The following UGT2A2 variants were observed in gnomAD, a reference collection of about 807,000 sequenced individuals.
UGT2A2 encodes UDP glucuronosyltransferase family 2 member A2, also known as UDP-glucuronosyltransferase 2A2.
A neutral mutation model predicts 50.7 loss-of-function variants in UGT2A2; 60 were observed. The ratio of observed to expected loss-of-function variants is 1.18; its 90% CI spans 0.96 to 1.47. The LOEUF (loss-of-function observed/expected upper bound fraction) is 1.47, where lower values mean the gene tolerates loss of function less well. UGT2A2 is among the 40% of genes most tolerant of loss of function. The pLI is 0.00. For missense variants in UGT2A2, 762 were observed against 634.0 expected (o/e 1.20, Z -2.17); for synonymous variants, 242 against 214.6 (o/e 1.13, Z -1.11).
chr4:69,606,869 C>A lies in UGT2A2; in HGVS notation c.743-7475G>T, dbSNP rs552919503. On this transcript the variant is annotated intron_variant, in intron 1 of 5. Coordinates refer to ENST00000604629, the MANE Select transcript of UGT2A2 (RefSeq NM_001105677.2). ...ACCTAGGAATCCAACTTACAAGGGA[C>A]GTAAGGACCTCTTCAAGAACTACAA... Among the ~76,000 whole-genome samples, 2 of 135,532 alleles carry A rather than the reference C, an allele frequency of 1.5e-5. 1 individual carries two copies. Among genetic ancestry groups the A allele is most frequent in the South Asian group, 4.9e-4 (2 of 4,086 alleles). The allele number at this position is 135,532 out of a possible 152,430, so 88.9% of individuals were successfully genotyped here. A position where few individuals can be genotyped will look rare whatever the true frequency, so the allele number is the denominator to read the frequency against.
At chr4:69,608,448 G>A (rs577282509) in intron 1 of UGT2A2, among the ~76,000 whole-genome samples, 94 of 151,296 alleles carry the variant, frequency 6.2e-4, no homozygotes, top group Non-Finnish European at 1.1e-3. Context: ...GAAGGATAGC[G>A]TTGGGAAATA....
intron 1 of UGT2A2, among the ~76,000 whole-genome samples, chr4:69,631,977 CCA>C (rs1185892854): frequency 6.6e-6 from 1 of 152,068 alleles, no homozygotes; most frequent in Non-Finnish European, 1.5e-5. Flanking sequence ...AATATAAGCA[CCA>C]CAGTTTGTAT....
chr4:69,590,541 G>A (rs1182288805), intron 5 of UGT2A2, among the ~76,000 whole-genome samples: 2 of 152,066 alleles, frequency 1.3e-5, no homozygotes, highest in Non-Finnish European at 2.9e-5. Context: ...GGTGTTGGCA[G>A]GACATTGTTA....
At chr4:69,623,408 T>C (rs1720866390) in intron 1 of UGT2A2, among the ~76,000 whole-genome samples, 1 of 151,598 alleles carries the variant, frequency 6.6e-6, no homozygotes, top group Non-Finnish European at 1.5e-5. Context: ...ACAAAGGCAG[T>C]GGATAAAATG....
At chr4:69,626,510 CTT>C (rs1168461277) in intron 1 of UGT2A2, among the ~76,000 whole-genome samples, 2 of 151,466 alleles carry the variant, frequency 1.3e-5, no homozygotes, top group African/African-American at 4.8e-5. Flanking sequence ...ACAAAACAGA[CTT>C]GAGGATATTT....
intron 5 of UGT2A2, among the ~76,000 whole-genome samples, chr4:69,591,214 C>T (rs1260448061): frequency 6.6e-6 from 1 of 152,102 alleles, no homozygotes; most frequent in African/African-American, 2.4e-5. Flanking sequence ...TGATAAAGCC[C>T]TCAGGAAGTC....
intron 1 of UGT2A2, among the ~76,000 whole-genome samples, chr4:69,615,858 C>CA (rs34028035): frequency 0.14 from 21,784 of 151,748 alleles, 1,830 homozygotes; most frequent in Admixed American, 0.26. Flanking sequence ...GGATATTTCT[C>CA]AAAAAACTAA....
intron 1 of UGT2A2, chr4:69,635,849 A>AAAAAAAAGAG (rs772370302): frequency 3.4e-5 from 4 of 118,512 alleles, no homozygotes; most frequent in East Asian, 4.7e-4. Flanking sequence ...AAAAAAAAAA[A>AAAAAAAAGAG]AGAGAGAGAG....
At chr4:69,617,902 C>T (rs1720496358) in intron 1 of UGT2A2, among the ~76,000 whole-genome samples, 1 of 151,732 alleles carries the variant, frequency 6.6e-6, no homozygotes, top group African/African-American at 2.4e-5. Flanking sequence ...ACAAAACCGA[C>T]ACAGTAACAG....
At chr4:69,598,864 T>C (rs1487440775) in intron 2 of UGT2A2, among the ~76,000 whole-genome samples, 1 of 152,154 alleles carries the variant, frequency 6.6e-6, no homozygotes, top group African/African-American at 2.4e-5. Context: ...CCAACAGTTT[T>C]CATGAAGACA....
At chr4:69,607,242 C>T (rs1342974409) in intron 1 of UGT2A2, among the ~76,000 whole-genome samples, 15 of 149,282 alleles carry the variant, frequency 1.0e-4, no homozygotes, top group Admixed American at 6.7e-4. Context: ...TGGAACAGAA[C>T]AGAGCCCTCA....
chr4:69,623,515 A>G (rs182053879), intron 1 of UGT2A2, among the ~76,000 whole-genome samples: 3 of 151,778 alleles, frequency 2.0e-5, no homozygotes, highest in African/African-American at 7.2e-5. Flanking sequence ...CATAATATTT[A>G]ACAGAATAGT....
chr4:69,599,148 T>A, intron 2 of UGT2A2, 98 bp downstream of exon 2: 2 of 1,441,778 alleles, frequency 1.4e-6, no homozygotes, highest in Non-Finnish European at 1.8e-6. Flanking sequence ...AACTGAAATG[T>A]CCAGCAGCAT....
rs1431713973 is a variant in UGT2A2 at position 69,638,180 on chromosome 4, T to C, written c.742+719A>G. On this transcript the variant is annotated intron_variant, in intron 1 of 5. Coordinates refer to ENST00000604629, the MANE Select transcript of UGT2A2 (RefSeq NM_001105677.2). ...TGTTAATTCCTGCTATTGATTAGTG[T>C]CCCGAGTACTAAGAGATCTGGAGGC... Among the ~76,000 whole-genome samples, 3 of 152,022 alleles carry C rather than the reference T, an allele frequency of 2.0e-5. No homozygotes were observed. In the East Asian group the frequency reaches 5.8e-4, roughly 29 times the overall value.
chr4:69,615,228 A>T (rs1720307021), intron 1 of UGT2A2, among the ~76,000 whole-genome samples: 1 of 152,082 alleles, frequency 6.6e-6, no homozygotes, highest in Admixed American at 6.6e-5. Context: ...TCTAATTTAA[A>T]TCTAATCTTT....
rs781753112 is a variant in UGT2A2, at chr4:69,639,388, C to A, written c.253G>T (p.Val85Phe). ...DSPVNFEVIPVSYKKSNIDSL... is the reference protein window; with the variant it reads ...DSPVNFEVIPFSYKKSNIDSL... ...TCTATATTGCTCTTCTTGTAGGAAACAGGTATCACTTCAAAATTCACAGGA... is the reference window on the plus strand; with the variant it reads ...TCTATATTGCTCTTCTTGTAGGAAAAAGGTATCACTTCAAAATTCACAGGA... Residue 85 changes from valine to phenylalanine, a missense_variant, in exon 1 of 6, where the codon GTT becomes TTT. Val to Phe is a conservative substitution (Grantham distance 50). Coordinates refer to ENST00000604629, the MANE Select transcript of UGT2A2 (RefSeq NM_001105677.2). The A allele has an allele frequency of 2.7e-5, 43 of 1,613,414 alleles. No individual in the cohort carries two copies. The highest frequency in any genetic ancestry group is 1.6e-4 in the Middle Eastern group (1 of 6,082).
chr4:69,612,673 C>G (rs189018160), intron 1 of UGT2A2, among the ~76,000 whole-genome samples: 1 of 151,874 alleles, frequency 6.6e-6, no homozygotes, highest in Non-Finnish European at 1.5e-5. Context: ...ACTGGCTAGC[C>G]ATATGCAGAA....
intron 1 of UGT2A2, among the ~76,000 whole-genome samples, chr4:69,607,554 C>T (rs956180608): frequency 9.9e-5 from 15 of 151,770 alleles, no homozygotes; most frequent in African/African-American, 3.6e-4. Context: ...GCAACAAAAG[C>T]CAAAATTGAC....
At chr4:69,635,674 A>G in intron 1 of UGT2A2, 1 of 265,384 alleles carries the variant, frequency 3.8e-6, no homozygotes, top group Non-Finnish European at 7.6e-6. Context: ...TATTAAAAAT[A>G]CAAAAATTAG....
Sources: gnomAD v4.1 joint callset for allele counts (sites outside exome capture counted in the v4.1 genomes callset) on GRCh38, gnomAD v4.1.1 for gene constraint, MANE v1.5 for transcripts, NCBI Gene and HGNC (gene_info 2026-07-23, HGNC 2026-07-21) for gene names.